Variants in KCNE3 observed in about 807,000 individuals in gnomAD.
The protein encoded by KCNE3 is potassium voltage-gated channel subfamily E regulatory subunit 3.
In KCNE3, 2 loss-of-function variants were observed where a neutral mutation model predicts 4.3. The observed-to-expected ratio is 0.47, with a 90% CI of 0.19 to 1.48. The LOEUF is 1.48. Among genes scored for constraint, KCNE3 ranks in the 40% most tolerant of loss-of-function variants. The pLI is 0.25. For synonymous variants in KCNE3, 47 were observed against 52.0 expected (o/e 0.90, Z 0.41); for missense variants, 128 against 136.8 (o/e 0.94, Z 0.32).
chr11:74,467,516 G>T lies in KCNE3; in HGVS notation c.-308C>A, dbSNP rs1190098306. The stretch of plus-strand genomic sequence containing the variant: ...CCACCAGCCCCGTTCCACTCCGCGG[G>T]TGCCCAGCACCGCCCAGCGCGCTCT... On this transcript the variant is annotated 5_prime_UTR_variant, in exon 1 of 3. Transcript: ENST00000310128. This position sits in a 1 kb window ranked among gnomAD's most constrained non-coding sequence, Gnocchi z 4.4. 6.5e-6 allele frequency: 1 copy of T among 152,676 alleles called. No homozygotes were observed. The highest frequency in any genetic ancestry group is 1.5e-5 in the Non-Finnish European group (1 of 68,116). 9.5% of individuals were successfully genotyped at this position (152,676 alleles called of 1,614,324 possible).
intron 1 of KCNE3, among the ~76,000 whole-genome samples, chr11:74,466,935 G>T (rs1864068899): frequency 6.6e-6 from 1 of 152,212 alleles, no homozygotes; most frequent in African/African-American, 2.4e-5. Context: ...GGTCAGACAG[G>T]GTGAAGGACA....
rs139348295 is a variant in KCNE3 at position 74,458,202 on chromosome 11, A to G, written c.-40-599T>C. The stretch of plus-strand genomic sequence containing the variant: ...GACAGCATTCAATAAGTAAGTACTC[A>G]ATAAATAATTGTACAACAAAGCCTT... On this transcript the variant is annotated intron_variant, in intron 2 of 2. Transcript: ENST00000310128. Among the ~76,000 whole-genome samples, 225 of 152,368 alleles carry G rather than the reference A, an allele frequency of 1.5e-3. 1 individual carries two copies. Among genetic ancestry groups the G allele is most frequent in the Middle Eastern group, 3.4e-3 (1 of 294 alleles).
At chr11:74,465,398 A>C (rs980993630) in intron 1 of KCNE3, among the ~76,000 whole-genome samples, 2 of 152,210 alleles carry the variant, frequency 1.3e-5, no homozygotes, top group African/African-American at 4.8e-5. Context: ...AAAGAAAAGA[A>C]GCCATCTCAG....
intron 1 of KCNE3, among the ~76,000 whole-genome samples, chr11:74,465,132 G>A (rs201174634): frequency 2.3e-5 from 3 of 133,278 alleles, no homozygotes; most frequent in Non-Finnish European, 3.5e-5. Context: ...GTGTATGTGT[G>A]TGTGTGTATG....
rs60016728 is a variant in KCNE3 at position 74,456,329 on chromosome 11, C to CAA, written c.*921_*922dup. 7.3e-3 allele frequency: 876 copies of CAA among 120,698 alleles called. 14 individuals are homozygous for CAA. The highest frequency in any genetic ancestry group is 0.026 in the African/African-American group (805 of 31,422). 7.5% of individuals were successfully genotyped at this position (120,698 alleles called of 1,614,324 possible). A position where few individuals can be genotyped will look rare whatever the true frequency, so the allele number is the denominator to read the frequency against. ...CCTGGGTGACATAGGGAGACTGTCT[C>CAA]AAAAAAAAAAAAAGAAAAGAAAAGA... On this transcript the variant is annotated 3_prime_UTR_variant, in exon 3 of 3. Coordinates refer to ENST00000310128, the MANE Select transcript of KCNE3 (RefSeq NM_005472.5).
Position 74,465,592 on chromosome 11 carries a change from G to GCA in KCNE3, c.-190+1804_-190+1805dup, listed in dbSNP as rs146586927. The stretch of plus-strand genomic sequence containing the variant: ...GTGTGGCCACATACACCCACCCACT[G>GCA]CACACACACACACAGTCCAACTCCC... On this transcript the variant is annotated intron_variant, in intron 1 of 2. Coordinates refer to ENST00000310128, the MANE Select transcript of KCNE3 (RefSeq NM_005472.5). 3.6e-4 allele frequency among the ~76,000 whole-genome samples: 55 copies of GCA among 151,800 alleles called. No individual in the cohort carries two copies. The East Asian group carries it at 7.4e-3, about 20-fold the overall frequency.
rs113583236 is a variant in KCNE3 at position 74,456,155 on chromosome 11, A to AATATATATATATATATATATATATATAT, written c.*1096_*1097insATATATATATATATATATATATATATAT. 8.3e-4 allele frequency: 94 copies of AATATATATATATATATATATATATATAT among 113,084 alleles called. 1 individual carries two copies. The highest frequency in any genetic ancestry group is 2.1e-3 in the South Asian group (7 of 3,278). 7.0% of individuals were successfully genotyped at this position (113,084 alleles called of 1,614,324 possible). On this transcript the variant is annotated 3_prime_UTR_variant, in exon 3 of 3. Coordinates refer to ENST00000310128, the MANE Select transcript of KCNE3 (RefSeq NM_005472.5). ...ACATGTGAAACCCTGTCTCTACTTAAATATATATATATATATATATATATA... is the reference window on the plus strand; with the variant it reads ...ACATGTGAAACCCTGTCTCTACTTAAATATATATATATATATATATATATATATATATATATATATATATATATATATA...
chr11:74,464,922 C>T (rs1005047443), intron 1 of KCNE3, among the ~76,000 whole-genome samples: 1 of 152,214 alleles, frequency 6.6e-6, no homozygotes, highest in Non-Finnish European at 1.5e-5. Flanking sequence ...TGCCCTTCCT[C>T]TTTTTACCTG....
chr11:74,464,881 C>T (rs916939042), intron 1 of KCNE3, among the ~76,000 whole-genome samples: 2 of 152,194 alleles, frequency 1.3e-5, no homozygotes, highest in Non-Finnish European at 2.9e-5. Flanking sequence ...ACATCTCTTG[C>T]CTTTGCTCAT....
intron 2 of KCNE3, among the ~76,000 whole-genome samples, chr11:74,459,266 T>TA (rs1355227171): frequency 6.8e-6 from 1 of 146,744 alleles, no homozygotes; most frequent in East Asian, 2.0e-4. Flanking sequence ...AACATTTTTT[T>TA]TTTTTTTTTT....
At chr11:74,466,792 C>T (rs1472027831) in intron 1 of KCNE3, among the ~76,000 whole-genome samples, 1 of 152,152 alleles carries the variant, frequency 6.6e-6, no homozygotes, top group Non-Finnish European at 1.5e-5. Context: ...GAGCACAAGG[C>T]GCAGAGCTGA....
intron 1 of KCNE3, among the ~76,000 whole-genome samples, chr11:74,466,974 C>G (rs1191939545): frequency 1.3e-5 from 2 of 152,232 alleles, no homozygotes; most frequent in Non-Finnish European, 2.9e-5. Flanking sequence ...ATGGGCAAGT[C>G]AGCTCCGCAG....
intron 1 of KCNE3, chr11:74,462,741 C>G (rs777848731): frequency 5.3e-5 from 8 of 152,234 alleles, no homozygotes; most frequent in Non-Finnish European, 1.2e-4. Flanking sequence ...AGGCTATATG[C>G]CCTCACTTTA....
intron 2 of KCNE3, among the ~76,000 whole-genome samples, chr11:74,461,531 G>A (rs1221501062): frequency 6.6e-6 from 1 of 151,950 alleles, no homozygotes; most frequent in Non-Finnish European, 1.5e-5. Context: ...GCTGAGGCAG[G>A]AGAACCGCTT....
In KCNE3 at chr11:74,457,487, T is replaced by C. The variant is rs1370045949; in HGVS notation, c.77A>G (p.His26Arg). The C allele has an allele frequency of 8.1e-6, 13 of 1,614,098 alleles. No individual in the cohort carries two copies. The South Asian group carries it at 1.4e-4, about 18-fold the overall frequency. The change falls in exon 3 of 3, where the codon CAC becomes CGC. Residue 26 changes from histidine (H) to arginine (R), a missense_variant. Transcript: ENST00000310128. ...AVLKALNATLHSNLLCRPGPG... is the reference protein window; with the variant it reads ...AVLKALNATLRSNLLCRPGPG... ...CCCTGGCCGGCAGAGCAAATTGCTGTGAAGAGTGGCATTTAGAGCCTTCAG... is the reference window on the plus strand; with the variant it reads ...CCCTGGCCGGCAGAGCAAATTGCTGCGAAGAGTGGCATTTAGAGCCTTCAG...
At chr11:74,463,136 C>G (rs1022249811) in intron 1 of KCNE3, among the ~76,000 whole-genome samples, 1 of 152,030 alleles carries the variant, frequency 6.6e-6, no homozygotes, top group Non-Finnish European at 1.5e-5. Context: ...CCAGGATGAT[C>G]TAGCCTGAGG....
intron 1 of KCNE3, among the ~76,000 whole-genome samples, chr11:74,466,228 C>T (rs1269636074): frequency 6.6e-6 from 1 of 152,194 alleles, no homozygotes; most frequent in Non-Finnish European, 1.5e-5. Context: ...TTTTCCTCAT[C>T]AGTAAGATGG....
At position 74,456,980 on chromosome 11, in the gene KCNE3, A is replaced by G. The variant is rs1057504691; in HGVS notation, c.*272T>C. On this transcript the variant is annotated 3_prime_UTR_variant, in exon 3 of 3. Transcript: ENST00000310128. ...TAATACTCCAGCCACTGAACCAGTT[A>G]TTGGTCATTATCTGTTGCTACTTTT... 8.1e-6 allele frequency: 4 copies of G among 495,816 alleles called. No homozygotes were observed. The highest frequency in any genetic ancestry group is 7.8e-5 in the African/African-American group (4 of 51,580). The allele number at this position is 495,816 out of a possible 1,614,324, so 30.7% of individuals were successfully genotyped here. A position where few individuals can be genotyped will look rare whatever the true frequency, so the allele number is the denominator to read the frequency against.
chr11:74,459,362 C>T (rs1333301194), intron 2 of KCNE3, among the ~76,000 whole-genome samples: 2 of 149,248 alleles, frequency 1.3e-5, no homozygotes, highest in East Asian at 2.0e-4. Flanking sequence ...CCTGGGTTCA[C>T]GCCATTCTCC....
Sources: gnomAD v4.1 joint callset for allele counts (sites outside exome capture counted in the v4.1 genomes callset) on GRCh38, gnomAD v4.1.1 for gene constraint, Gnocchi (gnomAD v3.1) non-coding constraint, MANE v1.5 for transcripts, NCBI Gene and HGNC (gene_info 2026-07-23, HGNC 2026-07-21) for gene names.